The following FREM3 variants were observed in gnomAD, a reference collection of about 807,000 sequenced individuals.
FREM3 encodes FRAS1-related extracellular matrix protein 3.
A neutral mutation model predicts 129.1 loss-of-function variants in FREM3; 105 were observed. The observed-to-expected ratio is 0.81, with a 90% CI of 0.69 to 0.96. The LOEUF (loss-of-function observed/expected upper bound fraction) is 0.96, where lower values mean the gene tolerates loss of function less well. FREM3 is among the 40% of genes least tolerant of loss of function. The pLI, the probability that FREM3 is intolerant of heterozygous loss-of-function variation, is 0.00. For synonymous variants in FREM3, 1,014 were observed against 1,044.9 expected, an observed-to-expected ratio of 0.97 and a Z score of 0.57; for missense variants, 2,593 against 2,666.3, an observed-to-expected ratio of 0.97 and a Z score of 0.61.
At chr4:143,677,349 G>C (rs949280672) in intron 2 of FREM3, among the ~76,000 whole-genome samples, 8 of 152,192 alleles carry the variant, frequency 5.3e-5, no homozygotes, top group Non-Finnish European at 8.8e-5. Flanking sequence ...TATGTAGAAA[G>C]CTGAAACTGG....
At chr4:143,688,608 T>TG (rs569423763) in intron 2 of FREM3, among the ~76,000 whole-genome samples, 199 of 152,292 alleles carry the variant, frequency 1.3e-3, no homozygotes, top group African/African-American at 4.7e-3. Flanking sequence ...GGCATCACAT[T>TG]ACCTGATTTC....
chr4:143,699,094 C>A lies in FREM3; in HGVS notation c.1582G>T (p.Val528Leu), dbSNP rs1212605574. The change falls in exon 1 of 8, where the codon GTG becomes TTG. Residue 528 changes from valine to leucine, a missense_variant. Physicochemically the swap from Val to Leu is conservative, Grantham distance 32. This residue lies in a region of FREM3 where 2,276 missense variants were observed against 2,267.2 expected (regional missense o/e 1.00). Coordinates refer to ENST00000329798, the MANE Select transcript of FREM3 (RefSeq NM_001168235.2). The surrounding 1 kb of genome is among the most constrained non-coding windows in gnomAD (Gnocchi z 4.2). ...ATGGTGAGGGGAAAGAGGAAGTCCA[C>A]TTGGTGGTGCCCGTCCTCCATCCGG... is the stretch of plus-strand genomic sequence containing the variant. ...IFRMEDGHHQ[V>L]DFLFPLTILP... The A allele has an allele frequency of 6.5e-7, 1 of 1,537,318 alleles. No individual in the cohort carries two copies. Among genetic ancestry groups the A allele is most frequent in the African/African-American group, 1.4e-5 (1 of 73,008 alleles).
Position 143,627,764 on chromosome 4 carries a change from C to G in FREM3, c.5276-4G>C. ...TGATTTGTTAGTTTATTTCCTCCTG[C>G]AATTGATAGGGGCAAAGGAAAAGTC... On this transcript the variant is annotated splice_polypyrimidine_tract_variant and splice_region_variant and intron_variant, in intron 2 of 7. Transcript: ENST00000329798. 6.5e-7 allele frequency: 1 copy of G among 1,533,088 alleles called. No individual in the cohort carries two copies. Among genetic ancestry groups the G allele is most frequent in the Non-Finnish European group, 8.7e-7 (1 of 1,143,636 alleles). 95.0% of individuals were successfully genotyped at this position (1,533,088 alleles called of 1,614,324 possible).
In FREM3 at chr4:143,700,190, C is replaced by G; in HGVS notation, c.486G>C (p.Leu162Phe). 6.5e-7 allele frequency: 1 copy of G among 1,536,984 alleles called. No homozygotes were observed. The highest frequency in any genetic ancestry group is 1.7e-4 in the Middle Eastern group (1 of 5,990). Residue 162 changes from leucine to phenylalanine, a missense_variant, in exon 1 of 8, where the codon TTG becomes TTC. Physicochemically the swap from Leu to Phe is conservative, Grantham distance 22. Around this residue, in one of 2 missense-constraint regions of FREM3, gnomAD observed 2,276 missense variants for 2,267.2 expected, o/e 1.00. Coordinates refer to ENST00000329798, the MANE Select transcript of FREM3 (RefSeq NM_001168235.2). The part of the protein sequence containing the change: ...LVLPFTLAVD[L>F]VFSQLELVTR... ...TCACCAGCTCCAGCTGGGAGAAGACCAAGTCCACCGCCAGCGTGAAGGGCA... is the reference window on the plus strand; with the variant it reads ...TCACCAGCTCCAGCTGGGAGAAGACGAAGTCCACCGCCAGCGTGAAGGGCA...
intron 2 of FREM3, among the ~76,000 whole-genome samples, chr4:143,681,435 A>G (rs1398979945): frequency 6.6e-6 from 1 of 152,182 alleles, no homozygotes; most frequent in African/African-American, 2.4e-5. Context: ...GGGAAGGAAG[A>G]TTAATAAACT....
intron 2 of FREM3, among the ~76,000 whole-genome samples, chr4:143,682,300 C>T (rs1443452471): frequency 6.6e-6 from 1 of 152,136 alleles, no homozygotes; most frequent in East Asian, 1.9e-4. Flanking sequence ...ACCTTTTCTG[C>T]CCAGCAGACA....
chr4:143,640,531 G>T (rs184905664), intron 2 of FREM3, among the ~76,000 whole-genome samples: 1 of 152,150 alleles, frequency 6.6e-6, no homozygotes, highest in African/African-American at 2.4e-5. Context: ...TTAGCTGGGC[G>T]TGGTGACACA....
At chr4:143,615,844 TC>T (rs58391756) in intron 5 of FREM3, among the ~76,000 whole-genome samples, 17,071 of 152,000 alleles carry the variant, frequency 0.11, 2,867 homozygotes, top group African/African-American at 0.37. Context: ...GAAGGTGGTA[TC>T]CCCCCAAGAG....
intron 6 of FREM3, among the ~76,000 whole-genome samples, chr4:143,589,205 A>G (rs1227196585): frequency 1.3e-5 from 2 of 152,090 alleles, no homozygotes; most frequent in Admixed American, 1.3e-4. Flanking sequence ...GTTCACTCTG[A>G]TGGTGGTTTC....
chr4:143,592,540 C>T (rs1407089773), intron 6 of FREM3, among the ~76,000 whole-genome samples: 1 of 152,146 alleles, frequency 6.6e-6, no homozygotes. Flanking sequence ...GTTGAAAATT[C>T]TTTTCTTTAA....
intron 2 of FREM3, among the ~76,000 whole-genome samples, chr4:143,688,072 T>C (rs1252470180): frequency 6.6e-6 from 1 of 152,162 alleles, no homozygotes; most frequent in African/African-American, 2.4e-5. Flanking sequence ...GAAGTCAAAC[T>C]GTCACTGTTT....
At chr4:143,615,583 G>T (rs1738828470) in intron 5 of FREM3, among the ~76,000 whole-genome samples, 1 of 152,048 alleles carries the variant, frequency 6.6e-6, no homozygotes. Flanking sequence ...TTTGTTTCCA[G>T]CAGATTGGCC....
chr4:143,592,802 G>T (rs932484013), intron 6 of FREM3, among the ~76,000 whole-genome samples: 8 of 152,188 alleles, frequency 5.3e-5, no homozygotes, highest in Non-Finnish European at 8.8e-5. Context: ...CTAGATTGGG[G>T]AAGTTCTCCT....
chr4:143,660,187 G>A (rs200943574), intron 2 of FREM3, among the ~76,000 whole-genome samples: 1 of 148,334 alleles, frequency 6.7e-6, no homozygotes, highest in African/African-American at 2.6e-5. Context: ...TAATGCCTAG[G>A]TTTTCTTCTA....
chr4:143,584,180 C>T (rs900976294), intron 7 of FREM3, among the ~76,000 whole-genome samples: 15 of 152,132 alleles, frequency 9.9e-5, no homozygotes, highest in South Asian at 4.1e-4. Context: ...GAGGCCGAGG[C>T]GGGTGGATCA....
At chr4:143,671,046 A>T (rs1739955986) in intron 2 of FREM3, among the ~76,000 whole-genome samples, 1 of 152,140 alleles carries the variant, frequency 6.6e-6, no homozygotes, top group Non-Finnish European at 1.5e-5. Flanking sequence ...CTATTTTCAA[A>T]AAGTCTCCCT....
chr4:143,643,326 T>C (rs1327667808), intron 2 of FREM3, among the ~76,000 whole-genome samples: 2 of 152,152 alleles, frequency 1.3e-5, no homozygotes, highest in African/African-American at 2.4e-5. Context: ...CCAGTGTTTA[T>C]TGCAACACTA....
intron 2 of FREM3, among the ~76,000 whole-genome samples, chr4:143,674,844 G>A (rs1247517844): frequency 1.3e-5 from 2 of 152,096 alleles, no homozygotes; most frequent in African/African-American, 4.8e-5. Context: ...AGAGCTAACT[G>A]TCCTAAATAT....
chr4:143,699,173 C>A lies in FREM3; in HGVS notation c.1503G>T (p.Gly501=), dbSNP rs1390060380. Residue 501 remains glycine (G), a synonymous_variant, in exon 1 of 8, where the codon GGG becomes GGT. Transcript: ENST00000329798. The surrounding 1 kb of genome is among the most constrained non-coding windows in gnomAD (Gnocchi z 4.2). ...KYFTPADLAA[G]RVVYQHDGSN... ...TGCCATCATGCTGATACACCACTCG[C>A]CCTGCTGCCAGGTCCGCTGGTGTGA... 6.5e-7 allele frequency: 1 copy of A among 1,537,368 alleles called. No homozygotes were observed. Among genetic ancestry groups the A allele is most frequent in the Non-Finnish European group, 8.7e-7 (1 of 1,146,942 alleles).
Sources: gnomAD v4.1 joint callset for allele counts (sites outside exome capture counted in the v4.1 genomes callset) on GRCh38, gnomAD v4.1.1 for gene constraint, gnomAD v4.1.1 regional missense constraint, Gnocchi (gnomAD v3.1) non-coding constraint, MANE v1.5 for transcripts, NCBI Gene and HGNC (gene_info 2026-07-23, HGNC 2026-07-21) for gene names.